The following DENND1A variants were observed in gnomAD, a reference collection of about 807,000 sequenced individuals.
DENND1A encodes the protein DENN domain containing 1A.
Under a neutral mutation model 113.7 loss-of-function variants are expected in DENND1A, and 51 were observed. The ratio of observed to expected loss-of-function variants is 0.45; its 90% CI spans 0.36 to 0.57. DENND1A has a LOEUF of 0.57. DENND1A is among the 20% of genes least tolerant of loss of function. The pLI is 0.00. For synonymous variants in DENND1A, 565 were observed against 570.8 expected, an observed-to-expected ratio of 0.99 and a Z score of 0.14; for missense variants, 1,258 against 1,395.9, an observed-to-expected ratio of 0.90 and a Z score of 1.57.
intron 2 of DENND1A, among the ~76,000 whole-genome samples, chr9:123,859,170 A>G (rs1844708702): frequency 1.3e-5 from 2 of 152,170 alleles, no homozygotes; most frequent in African/African-American, 2.4e-5. Flanking sequence ...TTATAAAAGG[A>G]AACAATAGTA....
chr9:123,912,093 T>C (rs1036732231), intron 1 of DENND1A, among the ~76,000 whole-genome samples: 1 of 152,140 alleles, frequency 6.6e-6, no homozygotes, highest in Non-Finnish European at 1.5e-5. Context: ...ATTACACGAG[T>C]ATATAACCAT....
At chr9:123,472,872 G>A (rs2049556887) in intron 13 of DENND1A, among the ~76,000 whole-genome samples, 1 of 152,206 alleles carries the variant, frequency 6.6e-6, no homozygotes, top group Admixed American at 6.5e-5. Flanking sequence ...GGCCCTCTGT[G>A]GGGAGGCCAC....
chr9:123,386,024 C>G (rs2042543280), intron 22 of DENND1A, among the ~76,000 whole-genome samples: 1 of 152,098 alleles, frequency 6.6e-6, no homozygotes, highest in Non-Finnish European at 1.5e-5. Flanking sequence ...AGGAAGCGAG[C>G]CCTCGCCGTT....
chr9:123,780,940 C>T (rs529551392), intron 3 of DENND1A, among the ~76,000 whole-genome samples: 97 of 152,246 alleles, frequency 6.4e-4, no homozygotes, highest in Non-Finnish European at 1.1e-3. Flanking sequence ...ATCCTCCTAT[C>T]GATGGAATGC....
chr9:123,553,905 G>A (rs1405683854), intron 13 of DENND1A, among the ~76,000 whole-genome samples: 9 of 152,098 alleles, frequency 5.9e-5, no homozygotes, highest in Non-Finnish European at 1.2e-4. Flanking sequence ...CTACAGGTGC[G>A]TGCCACCACG....
At chr9:123,900,475 G>A (rs1377072016) in intron 1 of DENND1A, among the ~76,000 whole-genome samples, 2 of 152,180 alleles carry the variant, frequency 1.3e-5, no homozygotes, top group East Asian at 3.8e-4. Context: ...CGGCAGGAGG[G>A]TAAAGGGGAT....
chr9:123,507,252 G>C (rs968160327), intron 13 of DENND1A, among the ~76,000 whole-genome samples: 1 of 152,210 alleles, frequency 6.6e-6, no homozygotes, highest in Non-Finnish European at 1.5e-5. Flanking sequence ...ACTGTGCTAA[G>C]AGGAACAAGG....
chr9:123,512,696 T>C (rs1371462378), intron 13 of DENND1A, among the ~76,000 whole-genome samples: 1 of 152,210 alleles, frequency 6.6e-6, no homozygotes, highest in Non-Finnish European at 1.5e-5. Flanking sequence ...GGCATGTGCA[T>C]AAGTTTGGCT....
At chr9:123,744,575 A>G (rs565290795) in intron 5 of DENND1A, among the ~76,000 whole-genome samples, 1 of 152,278 alleles carries the variant, frequency 6.6e-6, no homozygotes, top group African/African-American at 2.4e-5. Context: ...CCTGATCAAC[A>G]GTGTGTAAGT....
At chr9:123,762,975 AT>A (rs2071164905) in intron 4 of DENND1A, among the ~76,000 whole-genome samples, 1 of 152,204 alleles carries the variant, frequency 6.6e-6, no homozygotes, top group African/African-American at 2.4e-5. Flanking sequence ...AGTCCTGCTA[AT>A]GCACAGGAGA....
chr9:123,433,089 G>T (rs1042807364), intron 19 of DENND1A, among the ~76,000 whole-genome samples: 5 of 152,236 alleles, frequency 3.3e-5, no homozygotes, highest in Non-Finnish European at 7.3e-5. Context: ...TGGGGAAAGA[G>T]ACTGATATTT....
intron 13 of DENND1A, among the ~76,000 whole-genome samples, chr9:123,512,157 T>C (rs758663795): frequency 1.3e-5 from 2 of 152,190 alleles, no homozygotes; most frequent in Non-Finnish European, 2.9e-5. Flanking sequence ...TGCCAAAGAA[T>C]TGATTAGTCA....
intron 10 of DENND1A, among the ~76,000 whole-genome samples, chr9:123,615,739 G>A (rs10217167): frequency 0.087 from 13,180 of 152,214 alleles, 1,038 homozygotes; most frequent in African/African-American, 0.21. Context: ...GATTTGAAGG[G>A]TGACTCTAGA....
chr9:123,453,635 T>G (rs10733662), intron 16 of DENND1A, among the ~76,000 whole-genome samples: 151,906 of 152,324 alleles, frequency 1, 75,747 homozygotes, highest in Non-Finnish European at 1. Context: ...AACTGATTCG[T>G]ATGGAGAGAG....
At chr9:123,843,091 CA>C (rs2133003425) in intron 2 of DENND1A, 3 of 538,616 alleles carry the variant, frequency 5.6e-6, no homozygotes, top group East Asian at 1.0e-4. Context: ...TGCATATTTT[CA>C]ATTATCCTAA....
intron 13 of DENND1A, among the ~76,000 whole-genome samples, chr9:123,523,373 G>A (rs1443830824): frequency 6.6e-6 from 1 of 152,186 alleles, no homozygotes; most frequent in African/African-American, 2.4e-5. Context: ...TATTCCATGT[G>A]TATAAGAAGA....
chr9:123,811,306 A>T lies in DENND1A; in HGVS notation c.89-18676T>A, dbSNP rs77348725. On this transcript the variant is annotated intron_variant, in intron 2 of 23. Transcript: ENST00000394215. ...GACTGGCAAAGGTTAGAAGTGTGGG[A>T]AACATCTGGAGACTGAAGGATCTGG... Among the ~76,000 whole-genome samples the T allele has an allele frequency of 8.5e-4, 129 of 152,314 alleles. 1 individual carries two copies. Among genetic ancestry groups the T allele is most frequent in the Non-Finnish European group, 1.5e-3 (105 of 68,034 alleles).
chr9:123,724,641 G>T (rs79351881), intron 5 of DENND1A, among the ~76,000 whole-genome samples: 1 of 152,060 alleles, frequency 6.6e-6, no homozygotes, highest in African/African-American at 2.4e-5. Context: ...AAAATGTCTG[G>T]CCAGGCCTCC....
intron 2 of DENND1A, among the ~76,000 whole-genome samples, chr9:123,867,329 G>T (rs1261936799): frequency 3.3e-5 from 5 of 152,090 alleles, no homozygotes; most frequent in Non-Finnish European, 7.4e-5. Context: ...ACTCTCTACA[G>T]AGTCTAGCAC....
Sources: gnomAD v4.1 joint callset for allele counts (sites outside exome capture counted in the v4.1 genomes callset) on GRCh38, gnomAD v4.1.1 for gene constraint, MANE v1.5 for transcripts, NCBI Gene and HGNC (gene_info 2026-07-23, HGNC 2026-07-21) for gene names.